The following KLHL35 variants were observed in gnomAD, a reference collection of about 807,000 sequenced individuals.
KLHL35 encodes kelch like family member 35.
Under a neutral mutation model 44.0 loss-of-function variants are expected in KLHL35, and 50 were observed. That is an observed-to-expected ratio of 1.14 (90% CI 0.91 to 1.44). The LOEUF (loss-of-function observed/expected upper bound fraction) is 1.44. KLHL35 is among the 40% of genes most tolerant of loss of function. The pLI is 0.00. For synonymous variants in KLHL35, 470 were observed against 410.4 expected (o/e 1.15, Z -1.76); for missense variants, 1,049 against 887.8 (o/e 1.18, Z -2.31).
At chr11:75,432,819 G>A (rs1332447585) in intron 1 of KLHL35, among the ~76,000 whole-genome samples, 4 of 152,080 alleles carry the variant, frequency 2.6e-5, no homozygotes, top group Non-Finnish European at 5.9e-5. Context: ...CTCCCTTCTC[G>A]GCTGAGTCTA....
Position 75,430,227 on chromosome 11 carries a change from C to T in KLHL35, c.403G>A (p.Val135Met). The T allele has an allele frequency of 8.2e-7, 1 of 1,220,892 alleles. No homozygotes were observed. The highest frequency in any genetic ancestry group is 1.0e-6 in the Non-Finnish European group (1 of 977,290). 75.6% of individuals were successfully genotyped at this position (1,220,892 alleles called of 1,614,324 possible). ...ACGCAGGCCTCGCGCAGGCCCGCCA[C>T]GCCCAGCCGCTCCGCCAGCGCCAGC... ...AVLALAERLG[V>M]AGLREACVRF... is the part of the protein sequence containing the mutation. Residue 135 changes from valine to methionine, a missense_variant, in exon 2 of 7, where the codon GTG (valine) becomes ATG (methionine). By Grantham distance (21) the Val-to-Met change is conservative. Transcript: ENST00000539798.
chr11:75,425,730 GCCA>G, intron 4 of KLHL35, 149 bp from the exon 5 acceptor site: 1 of 641,634 alleles, frequency 1.6e-6, no homozygotes, highest in Non-Finnish European at 2.4e-6. Flanking sequence ...GCCCAGTGCT[GCCA>G]CCACCTGGGC....
chr11:75,425,676 T>C (rs1328159018), intron 4 of KLHL35, 95 bp from the exon 5 acceptor site: 13 of 1,151,136 alleles, frequency 1.1e-5, no homozygotes, highest in African/African-American at 1.6e-5. Context: ...AGCTGGAAAC[T>C]ATCCCTGTCC....
chr11:75,424,199 A>AAC (rs151153262), intron 5 of KLHL35: 8 of 301,492 alleles, frequency 2.7e-5, no homozygotes, highest in Admixed American at 1.9e-4. Context: ...CTCACCCCTC[A>AAC]ACACACACAC....
At chr11:75,428,969 A>G (rs1033590756) in intron 2 of KLHL35, among the ~76,000 whole-genome samples, 67 of 152,300 alleles carry the variant, frequency 4.4e-4, no homozygotes, top group African/African-American at 1.5e-3. Flanking sequence ...AGGGGAGGAA[A>G]CTGAGGCTCA....
intron 2 of KLHL35, among the ~76,000 whole-genome samples, chr11:75,428,993 G>C (rs1469768717): frequency 6.6e-6 from 1 of 152,156 alleles, no homozygotes; most frequent in Non-Finnish European, 1.5e-5. Flanking sequence ...ACCATGGCGT[G>C]CCCAAAGCCA....
chr11:75,423,866 G>A lies in KLHL35; in HGVS notation c.1389C>T (p.Asp463=). The change falls in exon 6 of 7, where the codon GAC becomes GAT. Residue 463 remains aspartate, a synonymous_variant. Transcript: ENST00000539798. ...GVNTDKVQCF[D]PKEDRWSLRS... ...GCAGGCTCCACCGGTCCTCCTTGGGGTCAAAGCACTGCACCTGAGGGGCAA... is the reference window on the plus strand; with the variant it reads ...GCAGGCTCCACCGGTCCTCCTTGGGATCAAAGCACTGCACCTGAGGGGCAA... 6.2e-7 allele frequency: 1 copy of A among 1,613,240 alleles called. No individual in the cohort carries two copies. The highest frequency in any genetic ancestry group is 1.3e-5 in the African/African-American group (1 of 75,024).
At chr11:75,427,148 A>G (rs1241523001) in intron 3 of KLHL35, among the ~76,000 whole-genome samples, 1 of 152,124 alleles carries the variant, frequency 6.6e-6, no homozygotes, top group African/African-American at 2.4e-5. Context: ...GGAATATTAG[A>G]CCCAGTTTAC....
intron 1 of KLHL35, among the ~76,000 whole-genome samples, chr11:75,431,182 G>A (rs1301311560): frequency 2.0e-5 from 3 of 152,052 alleles, no homozygotes; most frequent in Non-Finnish European, 2.9e-5. Flanking sequence ...GGGGAGAGAG[G>A]GTACAATAAC....
chr11:75,423,569 G>A, intron 6 of KLHL35, 123 bp downstream of exon 6: 2 of 794,898 alleles, frequency 2.5e-6, no homozygotes, highest in South Asian at 3.3e-5. Context: ...CTATCACTGT[G>A]AGGATGAGCT....
chr11:75,422,689 T>G lies in KLHL35; in HGVS notation c.1643A>C (p.Lys548Thr). The G allele has an allele frequency of 6.2e-7, 1 of 1,614,032 alleles. No individual in the cohort carries two copies. Among genetic ancestry groups the G allele is most frequent in the South Asian group, 1.1e-5 (1 of 91,088 alleles). Residue 548 changes from lysine to threonine, a missense_variant, in exon 7 of 7, where the codon AAG becomes ACG. Lys to Thr is a moderately conservative substitution (Grantham distance 78, BLOSUM62 -1). Coordinates refer to ENST00000539798, the MANE Select transcript of KLHL35 (RefSeq NM_001039548.3). ...ACTGCTGGGGTCAAAGGTGAAGACC[T>G]TATCGGTGCTTTCTCCGCGATCATC... is the stretch of plus-strand genomic sequence containing the variant. ...GRDDRGESTD[K>T]VFTFDPSSGQ...
At chr11:75,425,796 G>A (rs978373047) in intron 4 of KLHL35, 8 of 435,458 alleles carry the variant, frequency 1.8e-5, no homozygotes, top group Non-Finnish European at 3.2e-5. Flanking sequence ...TCATTTAGCG[G>A]GGATGAGACC....
At chr11:75,424,249 T>G (rs995683273) in intron 5 of KLHL35, 71 of 224,454 alleles carry the variant, frequency 3.2e-4, no homozygotes, top group African/African-American at 1.5e-3. Flanking sequence ...CACAGTCGCC[T>G]CATGTTAGAT....
At chr11:75,424,274 A>AT (rs1474747815) in intron 5 of KLHL35, 1 of 194,470 alleles carries the variant, frequency 5.1e-6, no homozygotes, top group Non-Finnish European at 1.1e-5. Context: ...CATAGAGCAC[A>AT]TCATACTGAG....
At position 75,429,857 on chromosome 11, in the gene KLHL35, G is replaced by A; in HGVS notation, c.773C>T (p.Ala258Val). The A allele has an allele frequency of 6.6e-7, 1 of 1,517,132 alleles. No homozygotes were observed. The highest frequency in any genetic ancestry group is 1.2e-5 in the South Asian group (1 of 81,986). 94.0% of individuals were successfully genotyped at this position (1,517,132 alleles called of 1,614,324 possible). A position where few individuals can be genotyped will look rare whatever the true frequency, so the allele number is the denominator to read the frequency against. ...GCCGCAGGCCTGCAGCAGCTCGTCC[G>A]CCTCCACCTTCTCCAGGAAGTAAGC... The part of the protein sequence containing the change: ...APAYFLEKVE[A>V]DELLQACGEC... The change falls in exon 2 of 7, where the codon GCG (alanine) becomes GTG (valine). Residue 258 changes from alanine to valine, a missense_variant. Transcript: ENST00000539798.
chr11:75,430,744 C>A (rs1452406027), intron 1 of KLHL35, 114 bp from the exon 2 acceptor site: 1 of 939,508 alleles, frequency 1.1e-6, no homozygotes, highest in Non-Finnish European at 1.4e-6. Context: ...GCGACTCTCC[C>A]CTCCGTTCAG....
chr11:75,428,642 GC>G lies in KLHL35; in HGVS notation c.882-17del, dbSNP rs773370014. 6.4e-6 allele frequency: 10 copies of G among 1,557,666 alleles called. No homozygotes were observed. In the South Asian group the frequency reaches 1.2e-4, roughly 19 times the overall value. ...GTCCATGAATCTGGCGTGCGGATAA[GC>G]CCAGTGCCTGTTGGGCCGCACCCAA... On this transcript the variant is annotated splice_polypyrimidine_tract_variant and intron_variant, in intron 2 of 6. Coordinates refer to ENST00000539798, the MANE Select transcript of KLHL35 (RefSeq NM_001039548.3).
intron 1 of KLHL35, among the ~76,000 whole-genome samples, chr11:75,432,327 C>T (rs954045315): frequency 1.9e-4 from 29 of 152,162 alleles, no homozygotes; most frequent in African/African-American, 6.8e-4. Flanking sequence ...AGATGAGCTC[C>T]CTGGTGGGCA....
At chr11:75,431,153 C>T (rs1379820067) in intron 1 of KLHL35, among the ~76,000 whole-genome samples, 1 of 152,158 alleles carries the variant, frequency 6.6e-6, no homozygotes, top group African/African-American at 2.4e-5. Flanking sequence ...CCCACAGAGA[C>T]CCAGTGTGTG....
Sources: allele counts gnomAD v4.1 joint callset (sites outside exome capture counted in the v4.1 genomes callset), GRCh38; gene constraint gnomAD v4.1.1; transcripts MANE v1.5; gene names NCBI Gene and HGNC (gene_info 2026-07-23, HGNC 2026-07-21).